The following RPRD2 variants were observed in gnomAD, a reference collection of about 807,000 sequenced individuals.
The protein encoded by RPRD2 is regulation of nuclear pre-mRNA domain-containing protein 2.
Under a neutral mutation model 104.4 loss-of-function variants are expected in RPRD2, and 12 were observed. The observed-to-expected ratio is 0.11, with a 90% CI of 0.07 to 0.19. RPRD2 has a LOEUF of 0.19. Ranked by LOEUF, RPRD2 falls within the 10% of genes least tolerant of loss-of-function variation. The probability of loss-of-function intolerance (pLI) is 1.00; values close to 1 mark genes in which losing one functional copy is unlikely to be tolerated. For missense variants in RPRD2, 1,543 were observed against 1,790.1 expected (o/e 0.86, Z 2.49); for synonymous variants, 714 against 684.9 (o/e 1.04, Z -0.66).
intron 1 of RPRD2, among the ~76,000 whole-genome samples, chr1:150,370,572 C>CTTTTTTT (rs11288735): frequency 9.1e-6 from 1 of 109,750 alleles, no homozygotes; most frequent in Non-Finnish European, 1.8e-5. Flanking sequence ...TCCATTTTGT[C>CTTTTTTT]TTTTTTTTTT....
chr1:150,425,643 CA>C (rs59789751), intron 2 of RPRD2, among the ~76,000 whole-genome samples: 32,911 of 137,200 alleles, frequency 0.24, 4,060 homozygotes, highest in African/African-American at 0.34. Context: ...AACTCCGTCT[CA>C]AAAAAAAAAA....
At chr1:150,386,857 G>A (rs1553881919) in intron 1 of RPRD2, among the ~76,000 whole-genome samples, 1 of 152,150 alleles carries the variant, frequency 6.6e-6, no homozygotes, top group Non-Finnish European at 1.5e-5. Flanking sequence ...AATTATTACA[G>A]TATAGTATGT....
Position 150,474,624 on chromosome 1 carries a change from A to T in RPRD2, c.*1290A>T, listed in dbSNP as rs1397405152. On this transcript the variant is annotated 3_prime_UTR_variant, in exon 11 of 11. Coordinates refer to ENST00000369068, the MANE Select transcript of RPRD2 (RefSeq NM_015203.5). ...TACATCTAGTACTTGGGAAATAGAC[A>T]ATCACTGTACTTTGAGTGTTTATAT... The T allele has an allele frequency of 6.6e-6, 1 of 152,214 alleles. No homozygotes were observed. The highest frequency in any genetic ancestry group is 1.5e-5 in the Non-Finnish European group (1 of 68,022). 9.4% of individuals were successfully genotyped at this position (152,214 alleles called of 1,614,324 possible).
At chr1:150,417,887 C>CTTCCTTTTCT (rs1553888876) in intron 2 of RPRD2, among the ~76,000 whole-genome samples, 162 bp downstream of exon 2, 6 of 151,790 alleles carry the variant, frequency 4.0e-5, no homozygotes, top group Non-Finnish European at 8.8e-5. Flanking sequence ...GTTTTTCTTT[C>CTTCCTTTTCT]TTTCTTTTCT....
chr1:150,408,073 C>T (rs1427862085), intron 1 of RPRD2, among the ~76,000 whole-genome samples: 1 of 149,082 alleles, frequency 6.7e-6, no homozygotes, highest in Non-Finnish European at 1.5e-5. Context: ...CACACCTGGC[C>T]TATGCTTTTA....
intron 1 of RPRD2, among the ~76,000 whole-genome samples, chr1:150,381,038 C>T: frequency 6.6e-6 from 1 of 152,112 alleles, no homozygotes; most frequent in East Asian, 1.9e-4. Flanking sequence ...CCCCCCTCAC[C>T]CCCAAAAAGA....
At chr1:150,431,777 G>A (rs916019208) in intron 2 of RPRD2, among the ~76,000 whole-genome samples, 5 of 151,786 alleles carry the variant, frequency 3.3e-5, no homozygotes, top group African/African-American at 4.8e-5. Flanking sequence ...CACTGCGCCC[G>A]GCCAAAAAGG....
At chr1:150,390,478 G>A (rs1216914837) in intron 1 of RPRD2, among the ~76,000 whole-genome samples, 1 of 152,054 alleles carries the variant, frequency 6.6e-6, no homozygotes, top group African/African-American at 2.4e-5. Context: ...CAGCCTGGGC[G>A]ACAAGTGAGA....
chr1:150,414,678 A>G (rs984231244), intron 1 of RPRD2, among the ~76,000 whole-genome samples: 1 of 152,096 alleles, frequency 6.6e-6, no homozygotes, highest in Non-Finnish European at 1.5e-5. Context: ...AAAAATCTCC[A>G]TTGAGTTTAG....
chr1:150,412,804 TTG>T (rs1664035955), intron 1 of RPRD2, among the ~76,000 whole-genome samples: 2 of 152,146 alleles, frequency 1.3e-5, no homozygotes, highest in South Asian at 4.1e-4. Flanking sequence ...GAAACGGGGA[TTG>T]ATTTATGTCC....
intron 1 of RPRD2, among the ~76,000 whole-genome samples, chr1:150,398,807 T>G (rs1662747095): frequency 1.3e-5 from 2 of 152,150 alleles, no homozygotes; most frequent in Non-Finnish European, 2.9e-5. Flanking sequence ...CCTCCCAAAG[T>G]GCTGTGGTTA....
chr1:150,414,046 T>C (rs587617315), intron 1 of RPRD2, among the ~76,000 whole-genome samples: 126 of 152,102 alleles, frequency 8.3e-4, no homozygotes, highest in Non-Finnish European at 1.2e-3. Context: ...TGAGCCAAGA[T>C]TGTGACTGCA....
chr1:150,415,806 T>C (rs1553888449), intron 1 of RPRD2, among the ~76,000 whole-genome samples: 1 of 152,246 alleles, frequency 6.6e-6, no homozygotes, highest in Non-Finnish European at 1.5e-5. Flanking sequence ...GGAGTGATGC[T>C]TTTTACTAGG....
chr1:150,401,108 T>C (rs1572399601), intron 1 of RPRD2, among the ~76,000 whole-genome samples: 1 of 151,730 alleles, frequency 6.6e-6, no homozygotes, highest in Admixed American at 6.6e-5. Context: ...CCCGGGAAGG[T>C]GGAGCTTGCA....
chr1:150,366,336 A>C (rs782550842), intron 1 of RPRD2, among the ~76,000 whole-genome samples: 13 of 152,228 alleles, frequency 8.5e-5, no homozygotes, highest in Non-Finnish European at 1.8e-4. Context: ...TATAGGCCCC[A>C]TGCTTCGAAC....
rs10684924 is a variant in RPRD2, at chr1:150,408,158, A to ATTTTTT, written c.206-9420_206-9415dup. Among the ~76,000 whole-genome samples, 379 of 95,102 alleles carry ATTTTTT rather than the reference A, an allele frequency of 4.0e-3. 22 individuals carry two copies. The highest frequency in any genetic ancestry group is 0.014 in the African/African-American group (302 of 21,436). 62.4% of individuals were successfully genotyped at this position (95,102 alleles called of 152,430 possible). On this transcript the variant is annotated intron_variant, in intron 1 of 10. Coordinates refer to ENST00000369068, the MANE Select transcript of RPRD2 (RefSeq NM_015203.5). The stretch of plus-strand genomic sequence containing the variant: ...ACATTTATTTTAAAATATTCATATG[A>ATTTTTT]TTTTTTTTTTTTTTTTTTTTTTTGG...
intron 1 of RPRD2, among the ~76,000 whole-genome samples, chr1:150,373,897 A>G (rs1660514545): frequency 6.6e-6 from 1 of 152,148 alleles, no homozygotes; most frequent in East Asian, 1.9e-4. Flanking sequence ...GTACAGATAT[A>G]GAAGAGGTCC....
chr1:150,388,796 G>A (rs1444012332), intron 1 of RPRD2, among the ~76,000 whole-genome samples: 5 of 151,722 alleles, frequency 3.3e-5, no homozygotes, highest in Admixed American at 1.3e-4. Context: ...TAGTAGAGGC[G>A]GGGTTTCACC....
chr1:150,393,481 A>G (rs1482846153), intron 1 of RPRD2, among the ~76,000 whole-genome samples: 1 of 150,950 alleles, frequency 6.6e-6, no homozygotes, highest in Non-Finnish European at 1.5e-5. Flanking sequence ...AAAAAAACCA[A>G]TAAAAAAAAC....
Sources: gnomAD v4.1 joint callset for allele counts (sites outside exome capture counted in the v4.1 genomes callset) on GRCh38, gnomAD v4.1.1 for gene constraint, MANE v1.5 for transcripts, NCBI Gene and HGNC (gene_info 2026-07-23, HGNC 2026-07-21) for gene names.